IKZF2: variants seen among roughly 807,000 people sequenced by gnomAD.
IKZF2 encodes the protein IKAROS family zinc finger 2.
In IKZF2, 15 loss-of-function variants were observed where a neutral mutation model predicts 49.2. The observed-to-expected ratio is 0.30, with a 90% CI of 0.20 to 0.47. The LOEUF is 0.47. IKZF2 is among the 20% of genes least tolerant of loss of function. The pLI, the probability that IKZF2 is intolerant of heterozygous loss-of-function variation, is 1.00. For synonymous variants in IKZF2, 227 were observed against 221.4 expected, an observed-to-expected ratio of 1.03 and a Z score of -0.23; for missense variants, 567 against 664.6, an observed-to-expected ratio of 0.85 and a Z score of 1.61.
At chr2:213,038,161 C>T (rs1263700539) in intron 6 of IKZF2, among the ~76,000 whole-genome samples, 1 of 151,178 alleles carries the variant, frequency 6.6e-6, no homozygotes, top group Non-Finnish European at 1.5e-5. Context: ...CCCAGATGCA[C>T]GCCGTTCTCC....
chr2:213,097,841 T>C (rs1574835544), intron 4 of IKZF2: 2 of 165,404 alleles, frequency 1.2e-5, no homozygotes, highest in East Asian at 1.7e-4. Context: ...AAAATATAAT[T>C]ACATATTTAC....
At chr2:213,096,817 T>A (rs1706050198) in intron 4 of IKZF2, among the ~76,000 whole-genome samples, 2 of 152,160 alleles carry the variant, frequency 1.3e-5, no homozygotes, top group Middle Eastern at 6.8e-3. Context: ...GCATGAGTAC[T>A]GTGTCAAAAC....
intron 4 of IKZF2, among the ~76,000 whole-genome samples, chr2:213,088,733 G>T (rs1704963055): frequency 6.6e-6 from 1 of 152,080 alleles, no homozygotes; most frequent in Non-Finnish European, 1.5e-5. Context: ...ACTCCAGTCT[G>T]GGCAACAGAG....
intron 4 of IKZF2, among the ~76,000 whole-genome samples, chr2:213,061,481 T>C (rs1487242241): frequency 1.4e-5 from 2 of 142,906 alleles, no homozygotes; most frequent in African/African-American, 2.7e-5. Context: ...GCCACCATTG[T>C]ACTTGAAAAA....
At chr2:213,064,626 C>G (rs2125439378) in intron 4 of IKZF2, among the ~76,000 whole-genome samples, 1 of 152,096 alleles carries the variant, frequency 6.6e-6, no homozygotes, top group South Asian at 2.1e-4. Flanking sequence ...GAAAATAAAC[C>G]TACTTTAAAT....
chr2:213,048,070 G>C (rs1700334161), intron 6 of IKZF2, among the ~76,000 whole-genome samples: 1 of 152,072 alleles, frequency 6.6e-6, no homozygotes, highest in Admixed American at 6.6e-5. Flanking sequence ...TAGTATTTTA[G>C]ATTCCAATTG....
intron 4 of IKZF2, among the ~76,000 whole-genome samples, chr2:213,130,512 C>T (rs1480954846): frequency 1.3e-5 from 2 of 151,998 alleles, no homozygotes; most frequent in Non-Finnish European, 2.9e-5. Flanking sequence ...AAGACCCACC[C>T]AAGCAGGGAA....
intron 4 of IKZF2, among the ~76,000 whole-genome samples, chr2:213,127,960 T>C (rs2060324479): frequency 1.3e-5 from 2 of 152,140 alleles, no homozygotes; most frequent in African/African-American, 4.8e-5. Context: ...ATTAAAATAC[T>C]ATTAAGTATA....
intron 8 of IKZF2, among the ~76,000 whole-genome samples, chr2:213,011,381 A>G (rs1695934222): frequency 6.6e-6 from 1 of 152,040 alleles, no homozygotes; most frequent in African/African-American, 2.4e-5. Flanking sequence ...TAAGTGAGAA[A>G]GAGGAAAAAA....
chr2:213,010,315 G>C (rs563727285), intron 8 of IKZF2, among the ~76,000 whole-genome samples: 9 of 152,156 alleles, frequency 5.9e-5, no homozygotes, highest in Middle Eastern at 3.4e-3. Context: ...GAAGGGGATG[G>C]GTCAAAAATA....
At chr2:213,150,902 T>TG (rs1273823841) in intron 1 of IKZF2, among the ~76,000 whole-genome samples, 2 of 150,712 alleles carry the variant, frequency 1.3e-5, no homozygotes, top group African/African-American at 2.5e-5. Context: ...CCAGGGTTTT[T>TG]GGTTTTTTTT....
At chr2:213,020,433 C>G (rs923994761) in intron 7 of IKZF2, among the ~76,000 whole-genome samples, 2 of 152,018 alleles carry the variant, frequency 1.3e-5, no homozygotes, top group African/African-American at 4.8e-5. Context: ...CACCCAGACA[C>G]GAAGTAGCCA....
rs910498772 is a variant in IKZF2 at position 213,000,229 on chromosome 2, G to T, written c.*7131C>A. On this transcript the variant is annotated 3_prime_UTR_variant, in exon 9 of 9. Transcript: ENST00000434687. ...TAGCAAACCTGACATACAAGGTATG[G>T]AATTTTAACTTTACATATATATTTA... is the stretch of plus-strand genomic sequence containing the variant. 1.8e-4 allele frequency: 25 copies of T among 136,332 alleles called. No individual in the cohort carries two copies. Among genetic ancestry groups the T allele is most frequent in the Non-Finnish European group, 3.6e-4 (23 of 63,650 alleles). The allele number at this position is 136,332 out of a possible 1,614,324, so 8.4% of individuals were successfully genotyped here.
At chr2:213,033,573 C>CT (rs1698703091) in intron 6 of IKZF2, among the ~76,000 whole-genome samples, 1 of 152,188 alleles carries the variant, frequency 6.6e-6, no homozygotes, top group African/African-American at 2.4e-5. Context: ...GCTTGTACAT[C>CT]TCCATCAGAA....
chr2:213,081,564 C>T (rs1455715404), intron 4 of IKZF2, among the ~76,000 whole-genome samples: 1 of 152,108 alleles, frequency 6.6e-6, no homozygotes, highest in Non-Finnish European at 1.5e-5. Context: ...TTTGGGTAGG[C>T]TGGGGAAGGT....
At chr2:213,127,783 T>G (rs538914365) in intron 4 of IKZF2, among the ~76,000 whole-genome samples, 1 of 152,346 alleles carries the variant, frequency 6.6e-6, no homozygotes, top group Non-Finnish European at 1.5e-5. Context: ...ATGTCAACAT[T>G]CTTTTCTAAA....
chr2:213,149,438 G>C (rs1387332802), intron 2 of IKZF2, among the ~76,000 whole-genome samples: 1 of 152,010 alleles, frequency 6.6e-6, no homozygotes, highest in Non-Finnish European at 1.5e-5. Flanking sequence ...TAAACTGTAT[G>C]AGATGACACC....
chr2:213,044,061 G>A (rs1699915932), intron 6 of IKZF2, among the ~76,000 whole-genome samples: 1 of 152,202 alleles, frequency 6.6e-6, no homozygotes, highest in East Asian at 1.9e-4. Context: ...TTCTGGTTAA[G>A]TTTAGTCAAT....
chr2:213,062,612 G>A (rs1278108310), intron 4 of IKZF2, among the ~76,000 whole-genome samples: 1 of 151,850 alleles, frequency 6.6e-6, no homozygotes, highest in Admixed American at 6.6e-5. Flanking sequence ...TTTCAGGTGT[G>A]ATGTGTAAGT....
Sources: gnomAD v4.1 joint callset for allele counts (sites outside exome capture counted in the v4.1 genomes callset) on GRCh38, gnomAD v4.1.1 for gene constraint, MANE v1.5 for transcripts, NCBI Gene and HGNC (gene_info 2026-07-23, HGNC 2026-07-21) for gene names.